The following XPO5 variants were observed in gnomAD, a reference collection of about 807,000 sequenced individuals.
The protein encoded by XPO5 is exportin-5.
XPO5 carries 46 observed loss-of-function variants against 160.6 expected under a neutral mutation model. The ratio of observed to expected loss-of-function variants is 0.29; its 90% CI spans 0.23 to 0.37. XPO5 has a LOEUF of 0.37. Ranked by LOEUF, XPO5 falls within the 10% of genes least tolerant of loss-of-function variation. The pLI is 1.00. For missense variants in XPO5, 1,090 were observed against 1,463.9 expected (o/e 0.74, Z 4.17); for synonymous variants, 537 against 519.3 (o/e 1.03, Z -0.46).
At chr6:43,565,764 C>A (rs753716893) in intron 7 of XPO5, 28 bp from the exon 8 acceptor site, 2 of 1,536,048 alleles carry the variant, frequency 1.3e-6, no homozygotes, top group South Asian at 2.4e-5. Context: ...GAAACATAGT[C>A]ATATAAACTA....
chr6:43,530,689 A>C lies in XPO5; in HGVS notation c.2676T>G (p.Leu892=). ...NIPDYRLRPM[L]RVFVKPLVLF... is the part of the protein sequence containing the mutation. ...ATGTAGAGACTTTTGAAAGGATATG[A>C]AGCATGGGTCTGAGTCGGTAGTCAG... The change falls in exon 23 of 32, where the codon CTT becomes CTG. Residue 892 remains leucine (L), a splice_region_variant and synonymous_variant. Transcript: ENST00000265351. 1 of 1,613,514 alleles carries C rather than the reference A, an allele frequency of 6.2e-7. No individual in the cohort carries two copies. The highest frequency in any genetic ancestry group is 8.5e-7 in the Non-Finnish European group (1 of 1,179,744).
intron 14 of XPO5, 135 bp downstream of exon 14, chr6:43,553,238 G>T: frequency 8.6e-7 from 1 of 1,157,188 alleles, no homozygotes; most frequent in Non-Finnish European, 1.2e-6. Context: ...GGAGTTGGAG[G>T]TTACAGAGAG....
At chr6:43,527,371 A>C in intron 26 of XPO5, 1 of 295,488 alleles carries the variant, frequency 3.4e-6, no homozygotes, top group Non-Finnish European at 6.4e-6. Flanking sequence ...TCCCGGGTTC[A>C]AGCGATTCTC....
intron 14 of XPO5, among the ~76,000 whole-genome samples, chr6:43,552,422 G>T (rs1795275392): frequency 6.7e-6 from 1 of 148,688 alleles, no homozygotes; most frequent in Admixed American, 6.7e-5. Context: ...GCGTGATTTT[G>T]GCTCACTGCA....
intron 10 of XPO5, 25 bp downstream of exon 10, chr6:43,560,899 G>C (rs949220593): frequency 1.9e-6 from 3 of 1,590,782 alleles, no homozygotes; most frequent in Non-Finnish European, 2.6e-6. Flanking sequence ...CTAAACTTTT[G>C]AGAAGTTACC....
In XPO5 at chr6:43,570,558, T is replaced by G. The variant is rs373327142; in HGVS notation, c.565A>C (p.Ile189Leu). The change falls in exon 5 of 32, where the codon ATC becomes CTC. Residue 189 changes from isoleucine to leucine, a missense_variant. Coordinates refer to ENST00000265351, the MANE Select transcript of XPO5 (RefSeq NM_020750.3). Reference protein sequence around the residue: ...QQTLTQNMERIFSFLLNTLQE... With the variant: ...QQTLTQNMERLFSFLLNTLQE... ...AGTGTGTTAAGCAGAAAACTGAAGA[T>G]CCTTTCCATGTTCTGGGTTAATGTT... 4.2e-5 allele frequency: 68 copies of G among 1,613,656 alleles called. No individual in the cohort carries two copies. In the South Asian group the frequency reaches 4.4e-4, roughly 10 times the overall value.
intron 16 of XPO5, 102 bp from the exon 17 acceptor site, chr6:43,549,680 A>C: frequency 8.0e-6 from 11 of 1,374,972 alleles, no homozygotes; most frequent in Non-Finnish European, 1.1e-5. Flanking sequence ...ATTCACAATG[A>C]TTTTTCACAA....
Position 43,528,908 on chromosome 6 carries a change from G to A in XPO5, c.2695C>T (p.Leu899=), listed in dbSNP as rs1561864716. The part of the protein sequence containing the change: ...RPMLRVFVKP[L]VLFCPPEHYE... ...TGCTCTGGGGGACAGAAGAGCACCAGAGGCTTTACAAAGACACGTGCTGCA... is the reference window on the plus strand; with the variant it reads ...TGCTCTGGGGGACAGAAGAGCACCAAAGGCTTTACAAAGACACGTGCTGCA... The change falls in exon 24 of 32, where the codon CTG becomes TTG. Residue 899 remains leucine, a synonymous_variant. Coordinates refer to ENST00000265351, the MANE Select transcript of XPO5 (RefSeq NM_020750.3). 6.2e-7 allele frequency: 1 copy of A among 1,613,200 alleles called. No homozygotes were observed. Among genetic ancestry groups the A allele is most frequent in the African/African-American group, 1.3e-5 (1 of 75,026 alleles).
intron 8 of XPO5, 111 bp downstream of exon 8, chr6:43,565,549 A>G (rs1762654026): frequency 1.0e-6 from 1 of 973,706 alleles, no homozygotes; most frequent in Non-Finnish European, 1.4e-6. Flanking sequence ...TGGGTGACAG[A>G]GCGAGATCCA....
In XPO5 at chr6:43,542,334, C is replaced by T. The variant is rs185733171; in HGVS notation, c.2342+4237G>A. On this transcript the variant is annotated intron_variant, in intron 20 of 31. Coordinates refer to ENST00000265351, the MANE Select transcript of XPO5 (RefSeq NM_020750.3). ...CACCTTCTATTATCAGATTATTTGACGCAGGAGGTGCTATGAATACCTTGC... is the reference window on the plus strand; with the variant it reads ...CACCTTCTATTATCAGATTATTTGATGCAGGAGGTGCTATGAATACCTTGC... Among the ~76,000 whole-genome samples, 12 of 152,196 alleles carry T rather than the reference C, an allele frequency of 7.9e-5. No homozygotes were observed. In the East Asian group the frequency reaches 1.2e-3, roughly 15 times the overall value.
At chr6:43,554,390 C>T (rs561379799) in intron 13 of XPO5, among the ~76,000 whole-genome samples, 2 of 150,566 alleles carry the variant, frequency 1.3e-5, no homozygotes, top group East Asian at 2.0e-4. Flanking sequence ...GGATTACAGG[C>T]GTGAGCCACT....
Position 43,573,491 on chromosome 6 carries a change from T to C in XPO5, c.216A>G (p.Glu72=). 6.2e-7 allele frequency: 1 copy of C among 1,613,516 alleles called. No homozygotes were observed. The highest frequency in any genetic ancestry group is 1.3e-5 in the African/African-American group (1 of 75,044). ...IVRHFGLQIL[E]HVVKFRWNGM... Reference sequence around the variant, plus strand: ...CAAGAGCTCCTTACTTGACAACGTGTTCCAGGATCTGAAGGCCAAAATGTC... The same window carrying C: ...CAAGAGCTCCTTACTTGACAACGTGCTCCAGGATCTGAAGGCCAAAATGTC... The change falls in exon 2 of 32, where the codon GAA becomes GAG. Residue 72 remains glutamate, a synonymous_variant. Coordinates refer to ENST00000265351, the MANE Select transcript of XPO5 (RefSeq NM_020750.3).
At chr6:43,575,314 G>A (rs1763245799) in intron 1 of XPO5, among the ~76,000 whole-genome samples, 2 of 152,308 alleles carry the variant, frequency 1.3e-5, no homozygotes, top group East Asian at 3.9e-4. Flanking sequence ...AGCTCGGTCA[G>A]GGCCAGGGGA....
intron 27 of XPO5, chr6:43,526,365 G>C (rs972700588): frequency 2.3e-6 from 1 of 436,702 alleles, no homozygotes; most frequent in Non-Finnish European, 4.2e-6. Flanking sequence ...TAAAGCAGAG[G>C]AATACAGAGT....
rs774935973 is a variant in XPO5, at chr6:43,527,641, G to A, written c.2913C>T (p.Asp971=). The A allele has an allele frequency of 1.9e-6, 3 of 1,613,866 alleles. No individual in the cohort carries two copies. The highest frequency in any genetic ancestry group is 4.5e-5 in the East Asian group (2 of 44,876). Residue 971 remains aspartate, a synonymous_variant, in exon 26 of 32, where the codon GAC becomes GAT. Coordinates refer to ENST00000265351, the MANE Select transcript of XPO5 (RefSeq NM_020750.3). ...TTTCGACATGCCACTTACTGATTAG[G>A]TCCATGACTTCTCGGGTTAACATCC... is the stretch of plus-strand genomic sequence containing the variant. ...LVRMLTREVM[D]LITVCCVSKK... is the part of the protein sequence containing the mutation.
Position 43,570,003 on chromosome 6 carries a change from CTTTTTTT to C in XPO5, c.621+492_621+498del, listed in dbSNP as rs35322286. Among the ~76,000 whole-genome samples the C allele has an allele frequency of 1.4e-4, 12 of 85,382 alleles. No homozygotes were observed. The East Asian group carries it at 1.8e-3, about 13-fold the overall frequency. The allele number at this position is 85,382 out of a possible 152,430, so 56.0% of individuals were successfully genotyped here. On this transcript the variant is annotated intron_variant, in intron 5 of 31. Transcript: ENST00000265351. ...GGCTGCAGTAAGCCGAGATCCCTAT[CTTTTTTT>C]TTTTTTTTTTTTTTTTTTTTAAAAA...
At chr6:43,526,105 C>T (rs1441330267) in intron 27 of XPO5, 184 bp from the exon 28 acceptor site, 1 of 600,760 alleles carries the variant, frequency 1.7e-6, no homozygotes, top group Non-Finnish European at 2.9e-6. Flanking sequence ...TCTAGAGATG[C>T]ACTCAAGCTG....
At position 43,524,841 on chromosome 6, in the gene XPO5, T is replaced by C; in HGVS notation, c.3302A>G (p.Tyr1101Cys). The C allele has an allele frequency of 6.2e-7, 1 of 1,611,936 alleles. No homozygotes were observed. The highest frequency in any genetic ancestry group is 8.5e-7 in the Non-Finnish European group (1 of 1,179,188). Reference protein sequence around the residue: ...ASLVHLAFQIYEALRPRYLEI... With the variant: ...ASLVHLAFQICEALRPRYLEI... ...GCCTTCCCCACTCACCAGTGCCTCG[T>C]ATATCTGGAAGGCCAGATGGACCAG... Residue 1101 changes from tyrosine to cysteine, a missense_variant, in exon 30 of 32, where the codon TAC (tyrosine) becomes TGC (cysteine). Around this residue, in one of 3 missense-constraint regions of XPO5, gnomAD observed 810 missense variants for 1,139.0 expected, o/e 0.71. Coordinates refer to ENST00000265351, the MANE Select transcript of XPO5 (RefSeq NM_020750.3).
chr6:43,546,282 T>C (rs774524090), intron 20 of XPO5, among the ~76,000 whole-genome samples: 3 of 151,194 alleles, frequency 2.0e-5, no homozygotes, highest in Non-Finnish European at 2.9e-5. Context: ...AACTTACAAG[T>C]AAAAATAGGG....
Sources: allele counts gnomAD v4.1 joint callset (sites outside exome capture counted in the v4.1 genomes callset), GRCh38; gene constraint gnomAD v4.1.1; regional missense constraint gnomAD v4.1.1; transcripts MANE v1.5; gene names NCBI Gene and HGNC (gene_info 2026-07-23, HGNC 2026-07-21).